The following DSCAM variants were observed in gnomAD, a reference collection of about 807,000 sequenced individuals.
DSCAM encodes the protein cell adhesion molecule DSCAM.
A neutral mutation model predicts 217.7 loss-of-function variants in DSCAM; 47 were observed. That is an observed-to-expected ratio of 0.22 (90% confidence interval 0.17 to 0.28). DSCAM has a LOEUF of 0.28. Ranked by LOEUF, DSCAM falls within the 10% of genes least tolerant of loss-of-function variation. DSCAM has a pLI of 1.00. For synonymous variants in DSCAM, 1,056 were observed against 1,015.3 expected, an observed-to-expected ratio of 1.04 and a Z score of -0.76; for missense variants, 2,080 against 2,618.3, an observed-to-expected ratio of 0.79 and a Z score of 4.49.
intron 3 of DSCAM, among the ~76,000 whole-genome samples, chr21:40,666,323 C>T (rs918452769): frequency 1.3e-5 from 2 of 152,146 alleles, no homozygotes; most frequent in Admixed American, 6.5e-5. Context: ...TTAAAACAAC[C>T]CTATGAGCAG....
intron 3 of DSCAM, among the ~76,000 whole-genome samples, chr21:40,446,898 A>G (rs2837631): frequency 0.42 from 63,504 of 152,040 alleles, 14,094 homozygotes; most frequent in African/African-American, 0.57. Context: ...CCAGCCCCAA[A>G]TGCAGCAAAG....
At chr21:40,162,250 A>C (rs1183265262) in intron 16 of DSCAM, among the ~76,000 whole-genome samples, 1 of 152,190 alleles carries the variant, frequency 6.6e-6, no homozygotes, top group African/African-American at 2.4e-5. Context: ...CCTCTGCACA[A>C]AACTGGGTGT....
intron 3 of DSCAM, among the ~76,000 whole-genome samples, chr21:40,514,155 T>C (rs1370823346): frequency 6.6e-6 from 1 of 152,180 alleles, no homozygotes; most frequent in Non-Finnish European, 1.5e-5. Context: ...AGAGAAACAG[T>C]GGCAAGTGCA....
intron 4 of DSCAM, among the ~76,000 whole-genome samples, chr21:40,361,408 C>G (rs889291296): frequency 6.6e-6 from 1 of 152,106 alleles, no homozygotes; most frequent in African/African-American, 2.4e-5. Context: ...ATCACAAGGT[C>G]AGGAGATCGA....
rs985981278 is a variant in DSCAM at position 40,187,392 on chromosome 21, C to A, written c.2651-133G>T. 35 of 1,224,180 alleles carry A rather than the reference C, an allele frequency of 2.9e-5. No homozygotes were observed. In the Admixed American group the frequency reaches 3.2e-4, roughly 11 times the overall value. 75.8% of individuals were successfully genotyped at this position (1,224,180 alleles called of 1,614,324 possible). A position where few individuals can be genotyped will look rare whatever the true frequency, so the allele number is the denominator to read the frequency against. On this transcript the variant is annotated intron_variant, in intron 13 of 32. Coordinates refer to ENST00000400454, the MANE Select transcript of DSCAM (RefSeq NM_001389.5). Reference sequence around the variant, plus strand: ...AGAACAGAAGCTTTTTATTTGGAAGCATTTTCTTTTTCCTAATCACATTTT... The same window carrying A: ...AGAACAGAAGCTTTTTATTTGGAAGAATTTTCTTTTTCCTAATCACATTTT...
At chr21:40,201,281 T>A (rs996464523) in intron 11 of DSCAM, among the ~76,000 whole-genome samples, 12 of 152,312 alleles carry the variant, frequency 7.9e-5, no homozygotes, top group Middle Eastern at 3.4e-3. Flanking sequence ...GGAAGAAAGT[T>A]GATTTATTTT....
At chr21:40,714,710 T>C (rs1053741889) in intron 1 of DSCAM, among the ~76,000 whole-genome samples, 5 of 152,234 alleles carry the variant, frequency 3.3e-5, no homozygotes, top group African/African-American at 1.2e-4. Context: ...CTGATTCAGA[T>C]GAGACTTTGG....
intron 3 of DSCAM, among the ~76,000 whole-genome samples, chr21:40,512,077 A>C (rs970414957): frequency 6.6e-6 from 1 of 151,732 alleles, no homozygotes; most frequent in African/African-American, 2.4e-5. Context: ...CCAATGAGAA[A>C]GGCAAGGGAG....
rs368287453 is a variant in DSCAM at position 40,339,084 on chromosome 21, T to G, written c.1507+35A>C. On this transcript the variant is annotated intron_variant, in intron 7 of 32. Coordinates refer to ENST00000400454, the MANE Select transcript of DSCAM (RefSeq NM_001389.5). ...TCTTCTTCTCCACTATAATGAGTTA[T>G]GTGTGTTTTTTTGAGGAGCTGATTT... The G allele has an allele frequency of 6.8e-6, 11 of 1,607,628 alleles. No individual in the cohort carries two copies. The South Asian group carries it at 1.2e-4, about 18-fold the overall frequency.
intron 13 of DSCAM, among the ~76,000 whole-genome samples, chr21:40,187,593 T>C (rs2090909196): frequency 6.6e-6 from 1 of 152,200 alleles, no homozygotes; most frequent in Admixed American, 6.5e-5. Context: ...CATGGATTCC[T>C]AAAATTGAGC....
intron 16 of DSCAM, among the ~76,000 whole-genome samples, chr21:40,162,644 C>T (rs973711728): frequency 2.0e-5 from 3 of 152,162 alleles, no homozygotes; most frequent in Non-Finnish European, 4.4e-5. Context: ...TAAAAATATT[C>T]TTCAGATTAC....
intron 3 of DSCAM, among the ~76,000 whole-genome samples, chr21:40,545,690 T>A (rs2076576739): frequency 1.3e-5 from 2 of 152,156 alleles, no homozygotes; most frequent in African/African-American, 4.8e-5. Context: ...ATGCACACCA[T>A]CCCAGCACAC....
At chr21:40,301,764 C>A (rs1050355474) in intron 9 of DSCAM, among the ~76,000 whole-genome samples, 2 of 152,194 alleles carry the variant, frequency 1.3e-5, no homozygotes, top group Non-Finnish European at 2.9e-5. Context: ...GTTGAAAGGA[C>A]ACATGAATCA....
chr21:40,708,703 T>G lies in DSCAM; in HGVS notation c.112A>C (p.Ser38Arg). The G allele has an allele frequency of 6.2e-7, 1 of 1,611,666 alleles. No individual in the cohort carries two copies. Among genetic ancestry groups the G allele is most frequent in the Non-Finnish European group, 8.5e-7 (1 of 1,178,912 alleles). ...NASLQEVVFA[S>R]TTGTLVPCPA... ...CAGGGCACCAGAGTCCCCGTGGTGC[T>G]GGCAAACACTACCTCTTGCAGAGAT... The change falls in exon 2 of 33, where the codon AGC becomes CGC. Residue 38 changes from serine (S) to arginine (R), a missense_variant. Transcript: ENST00000400454.
At chr21:40,308,517 C>G (rs1278343431) in intron 9 of DSCAM, among the ~76,000 whole-genome samples, 1 of 152,184 alleles carries the variant, frequency 6.6e-6, no homozygotes, top group Non-Finnish European at 1.5e-5. Context: ...TTCTAGAGAC[C>G]TTTCTTTGAA....
chr21:40,600,709 G>C (rs1427834032), intron 3 of DSCAM, among the ~76,000 whole-genome samples: 2 of 152,078 alleles, frequency 1.3e-5, no homozygotes, highest in Non-Finnish European at 2.9e-5. Flanking sequence ...TGTTGTTAAA[G>C]CACGTATTGT....
chr21:40,804,629 C>A (rs1229212574), intron 1 of DSCAM, among the ~76,000 whole-genome samples: 2 of 152,150 alleles, frequency 1.3e-5, no homozygotes, highest in Non-Finnish European at 2.9e-5. Context: ...CTGCCCTGCC[C>A]ACTTGGTTTT....
chr21:40,548,030 T>G (rs781755388), intron 3 of DSCAM, among the ~76,000 whole-genome samples: 2 of 152,186 alleles, frequency 1.3e-5, no homozygotes, highest in African/African-American at 2.4e-5. Context: ...ACAAGTGGCA[T>G]GTTAGCAGAG....
intron 3 of DSCAM, among the ~76,000 whole-genome samples, chr21:40,536,400 C>CTT (rs35476225): frequency 8.7e-4 from 111 of 127,720 alleles, no homozygotes; most frequent in African/African-American, 2.4e-3. Context: ...CCGGTAGAGT[C>CTT]TTTTTTTTTT....
Sources: gnomAD v4.1 joint callset for allele counts (sites outside exome capture counted in the v4.1 genomes callset) on GRCh38, gnomAD v4.1.1 for gene constraint, MANE v1.5 for transcripts, NCBI Gene and HGNC (gene_info 2026-07-23, HGNC 2026-07-21) for gene names.